The following TRIM71 variants were observed in gnomAD, a reference collection of about 807,000 sequenced individuals.
The protein encoded by TRIM71 is tripartite motif containing 71.
A neutral mutation model predicts 61.2 loss-of-function variants in TRIM71; 9 were observed. The observed-to-expected ratio is 0.15, with a 90% CI of 0.09 to 0.26. The LOEUF (loss-of-function observed/expected upper bound fraction) is 0.26. Ranked by LOEUF, TRIM71 falls within the 10% of genes least tolerant of loss-of-function variation. The pLI is 1.00. For synonymous variants in TRIM71, 645 were observed against 553.2 expected (o/e 1.17, Z -2.33); for missense variants, 998 against 1,238.7 (o/e 0.81, Z 2.92).
At chr3:32,855,994 A>ATTGT (rs1696599614) in intron 1 of TRIM71, among the ~76,000 whole-genome samples, 1 of 150,372 alleles carries the variant, frequency 6.7e-6, no homozygotes, top group East Asian at 2.0e-4. Context: ...TAATAGTTTT[A>ATTGT]TTTATTTATT....
intron 1 of TRIM71, among the ~76,000 whole-genome samples, chr3:32,847,434 A>G (rs1696488351): frequency 6.6e-6 from 1 of 152,140 alleles, no homozygotes; most frequent in Admixed American, 6.5e-5. Flanking sequence ...ACTTCAGGTG[A>G]TCCGCCTGCC....
At chr3:32,873,795 C>T in intron 1 of TRIM71, 23 bp from the exon 2 acceptor site, 2 of 1,532,820 alleles carry the variant, frequency 1.3e-6, no homozygotes, top group South Asian at 1.3e-5. Context: ...TCCATTTATG[C>T]CTGTACCCTC....
intron 1 of TRIM71, among the ~76,000 whole-genome samples, chr3:32,846,000 TG>T (rs34717860): frequency 0.22 from 33,732 of 151,508 alleles, 4,825 homozygotes; most frequent in East Asian, 0.63. Context: ...AAAACGGAGT[TG>T]GAGACTATGG....
chr3:32,887,359 T>C (rs1696972517), intron 3 of TRIM71, among the ~76,000 whole-genome samples: 1 of 152,128 alleles, frequency 6.6e-6, no homozygotes, highest in African/African-American at 2.4e-5. Context: ...GTAAGCAGTT[T>C]CTGCTTGCCC....
chr3:32,866,182 A>G (rs1326943133), intron 1 of TRIM71, among the ~76,000 whole-genome samples: 6 of 150,618 alleles, frequency 4.0e-5, no homozygotes, highest in Non-Finnish European at 8.9e-5. Flanking sequence ...TTGGAGATGG[A>G]TTACAGGCAT....
At chr3:32,868,205 T>G (rs1696759531) in intron 1 of TRIM71, among the ~76,000 whole-genome samples, 1 of 152,192 alleles carries the variant, frequency 6.6e-6, no homozygotes, top group South Asian at 2.1e-4. Flanking sequence ...CATCCCCTGC[T>G]GGCCTTTTGT....
chr3:32,873,149 A>T (rs1696816362), intron 1 of TRIM71, among the ~76,000 whole-genome samples: 1 of 140,054 alleles, frequency 7.1e-6, no homozygotes. Context: ...CAGTTCTGTC[A>T]GCACTGGCTG....
At chr3:32,859,431 G>GT (rs144300708) in intron 1 of TRIM71, among the ~76,000 whole-genome samples, 2,601 of 152,078 alleles carry the variant, frequency 0.017, 63 homozygotes, top group East Asian at 0.13. Flanking sequence ...GGCTAATTGT[G>GT]TTTTTTTAGT....
intron 1 of TRIM71, among the ~76,000 whole-genome samples, chr3:32,848,144 T>C (rs935649147): frequency 9.2e-5 from 14 of 152,212 alleles, no homozygotes; most frequent in Non-Finnish European, 1.9e-4. Flanking sequence ...AGCCACTTAA[T>C]ACTGTGTGAC....
At chr3:32,862,170 T>C (rs2125685394) in intron 1 of TRIM71, among the ~76,000 whole-genome samples, 1 of 152,246 alleles carries the variant, frequency 6.6e-6, no homozygotes, top group Middle Eastern at 3.4e-3. Context: ...TCACTAACCC[T>C]AATCAAGACA....
intron 1 of TRIM71, among the ~76,000 whole-genome samples, chr3:32,822,160 T>C (rs1418262063): frequency 6.6e-6 from 1 of 151,962 alleles, no homozygotes; most frequent in African/African-American, 2.4e-5. Context: ...TTGAGCAGGG[T>C]TTGAACCCAG....
intron 1 of TRIM71, among the ~76,000 whole-genome samples, chr3:32,836,813 G>A (rs910226134): frequency 9.2e-5 from 14 of 152,096 alleles, no homozygotes; most frequent in Non-Finnish European, 1.3e-4. Context: ...TTCATGCTTC[G>A]TGGCCATATA....
At chr3:32,877,692 C>T (rs750177635) in intron 2 of TRIM71, among the ~76,000 whole-genome samples, 2 of 152,108 alleles carry the variant, frequency 1.3e-5, no homozygotes, top group African/African-American at 4.8e-5. Flanking sequence ...AAGTCTTCAT[C>T]CCTTCAAATT....
chr3:32,823,512 A>T lies in TRIM71; in HGVS notation c.852+4580A>T, dbSNP rs554406502. On this transcript the variant is annotated intron_variant, in intron 1 of 3. Coordinates refer to ENST00000383763, the MANE Select transcript of TRIM71 (RefSeq NM_001039111.3). The stretch of plus-strand genomic sequence containing the variant: ...GGGGATTGCATAGATTTGATACAAG[A>T]TTTTTATTTCCAATTCTAGGAATAT... Among the ~76,000 whole-genome samples, 10 of 152,344 alleles carry T rather than the reference A, an allele frequency of 6.6e-5. No homozygotes were observed. In the South Asian group the frequency reaches 1.2e-3, roughly 19 times the overall value.
chr3:32,848,192 T>C (rs1483319169), intron 1 of TRIM71, among the ~76,000 whole-genome samples: 1 of 152,198 alleles, frequency 6.6e-6, no homozygotes, highest in Non-Finnish European at 1.5e-5. Flanking sequence ...GATTTTTAAT[T>C]TGTTAAATAG....
intron 1 of TRIM71, among the ~76,000 whole-genome samples, chr3:32,847,866 T>G (rs926833049): frequency 2.6e-5 from 4 of 152,222 alleles, no homozygotes; most frequent in Admixed American, 2.6e-4. Flanking sequence ...CTCAACCAAC[T>G]GTGGATTGAA....
At chr3:32,884,283 C>T (rs551613843) in intron 2 of TRIM71, among the ~76,000 whole-genome samples, 3 of 152,114 alleles carry the variant, frequency 2.0e-5, no homozygotes, top group East Asian at 1.9e-4. Flanking sequence ...CACCTTTGAG[C>T]GTGTCTTGCA....
At chr3:32,885,328 G>T (rs1696948442) in intron 2 of TRIM71, among the ~76,000 whole-genome samples, 1 of 152,196 alleles carries the variant, frequency 6.6e-6, no homozygotes, top group South Asian at 2.1e-4. Flanking sequence ...ACTACGGCTG[G>T]TACAGGGTGG....
In TRIM71 at chr3:32,895,200, C is replaced by G. The variant is rs1697065536; in HGVS notation, c.*3389C>G. The G allele has an allele frequency of 6.6e-6, 1 of 152,220 alleles. No homozygotes were observed. Among genetic ancestry groups the G allele is most frequent in the African/African-American group, 2.4e-5 (1 of 41,444 alleles). The allele number at this position is 152,220 out of a possible 1,614,324, so 9.4% of individuals were successfully genotyped here. ...TGCCCTGTTGTGGCTGCAAGTGGCA[C>G]TCAAGTTGACTAGAGCACAGTGACC... On this transcript the variant is annotated 3_prime_UTR_variant, in exon 4 of 4. Transcript: ENST00000383763.
Sources: allele counts gnomAD v4.1 joint callset (sites outside exome capture counted in the v4.1 genomes callset), GRCh38; gene constraint gnomAD v4.1.1; transcripts MANE v1.5; gene names NCBI Gene and HGNC (gene_info 2026-07-23, HGNC 2026-07-21).